PRKCE: variants seen among roughly 807,000 people sequenced by gnomAD.
PRKCE encodes the protein protein kinase C epsilon.
PRKCE carries 16 observed loss-of-function variants against 85.4 expected under a neutral mutation model. The ratio of observed to expected loss-of-function variants is 0.19; its 90% CI spans 0.13 to 0.28. The LOEUF (loss-of-function observed/expected upper bound fraction) is 0.28. Among genes scored for constraint, PRKCE ranks in the 10% least tolerant of loss-of-function variants. The probability of loss-of-function intolerance (pLI) is 1.00; values close to 1 mark genes in which losing one functional copy is unlikely to be tolerated. For synonymous variants in PRKCE, 388 were observed against 371.5 expected (o/e 1.04, Z -0.51); for missense variants, 573 against 975.2 (o/e 0.59, Z 5.49).
chr2:45,814,131 G>T (rs539233576), intron 1 of PRKCE, among the ~76,000 whole-genome samples: 2 of 152,312 alleles, frequency 1.3e-5, no homozygotes, highest in South Asian at 2.1e-4. Flanking sequence ...AGTGAAGAGG[G>T]TGACTACTCT....
intron 2 of PRKCE, among the ~76,000 whole-genome samples, chr2:45,859,194 C>T (rs1242506310): frequency 6.6e-6 from 1 of 151,632 alleles, no homozygotes; most frequent in Non-Finnish European, 1.5e-5. Flanking sequence ...TATATTATTC[C>T]ATTATATTAA....
At chr2:45,904,042 T>G (rs1397320370) in intron 2 of PRKCE, among the ~76,000 whole-genome samples, 1 of 152,012 alleles carries the variant, frequency 6.6e-6, no homozygotes, top group Non-Finnish European at 1.5e-5. Flanking sequence ...TAGCTGGGAT[T>G]ACAGGCACGC....
intron 10 of PRKCE, among the ~76,000 whole-genome samples, chr2:46,072,511 A>G (rs1668163198): frequency 6.6e-6 from 1 of 152,272 alleles, no homozygotes; most frequent in Non-Finnish European, 1.5e-5. Context: ...GCCAAGTGGG[A>G]CAAGAAATGC....
At chr2:46,000,532 T>G (rs560621035) in intron 6 of PRKCE, among the ~76,000 whole-genome samples, 2 of 151,906 alleles carry the variant, frequency 1.3e-5, no homozygotes, top group Non-Finnish European at 1.5e-5. Flanking sequence ...AAGAGCAGAG[T>G]GCTCTGGGCT....
Position 45,889,335 on chromosome 2 carries a change from A to C in PRKCE, c.412+46272A>C, listed in dbSNP as rs79084665. ...GCAAAGCCCTAGAGACAGTGATGAG[A>C]ACTGCACCAGGCATAAATGGTCCAT... is the stretch of plus-strand genomic sequence containing the variant. On this transcript the variant is annotated intron_variant, in intron 2 of 14. Transcript: ENST00000306156. 7.8e-3 allele frequency among the ~76,000 whole-genome samples: 1,191 copies of C among 152,264 alleles called. 14 individuals are homozygous for C. Among genetic ancestry groups the C allele is most frequent in the African/African-American group, 0.026 (1,096 of 41,546 alleles).
intron 14 of PRKCE, among the ~76,000 whole-genome samples, chr2:46,167,287 A>G (rs1678435487): frequency 1.3e-5 from 2 of 152,182 alleles, no homozygotes; most frequent in Admixed American, 6.5e-5. Flanking sequence ...GGTTATAAAT[A>G]TCTACCACCT....
chr2:45,681,364 T>C (rs1012799288), intron 1 of PRKCE, among the ~76,000 whole-genome samples: 39 of 147,860 alleles, frequency 2.6e-4, no homozygotes, highest in African/African-American at 9.3e-4. Flanking sequence ...TGGGAAGTAA[T>C]TGTGATTGAG....
At chr2:46,112,082 G>T (rs1258914589) in intron 11 of PRKCE, among the ~76,000 whole-genome samples, 1 of 152,202 alleles carries the variant, frequency 6.6e-6, no homozygotes, top group South Asian at 2.1e-4. Flanking sequence ...GTTGTTAGTT[G>T]TATACCTGTT....
chr2:46,036,039 A>C (rs1395374848), intron 10 of PRKCE, among the ~76,000 whole-genome samples: 2 of 152,216 alleles, frequency 1.3e-5, no homozygotes, highest in Non-Finnish European at 2.9e-5. Context: ...TCTCTGATGA[A>C]TTACAGTAAC....
intron 2 of PRKCE, among the ~76,000 whole-genome samples, chr2:45,956,360 G>C (rs1318212711): frequency 6.6e-6 from 1 of 152,098 alleles, no homozygotes; most frequent in Admixed American, 6.6e-5. Flanking sequence ...GCTTGATTAT[G>C]TATGGTAAGT....
intron 1 of PRKCE, among the ~76,000 whole-genome samples, chr2:45,682,623 G>T (rs1480839471): frequency 2.0e-5 from 3 of 152,022 alleles, no homozygotes; most frequent in Non-Finnish European, 4.4e-5. Context: ...TTTCACTCTT[G>T]TTGCCCAGGC....
intron 2 of PRKCE, chr2:45,851,983 C>G (rs957091757): frequency 9.8e-5 from 15 of 152,316 alleles, no homozygotes; most frequent in African/African-American, 3.6e-4. Flanking sequence ...AGAGCAGTAA[C>G]TCCAGGAACC....
chr2:46,086,331 A>G lies in PRKCE; in HGVS notation c.1561A>G (p.Met521Val). Residue 521 changes from methionine to valine, a missense_variant, in exon 11 of 15, where the codon ATG becomes GTG. Physicochemically the swap from Met to Val is conservative, Grantham distance 21 (BLOSUM62 1). Coordinates refer to ENST00000306156, the MANE Select transcript of PRKCE (RefSeq NM_005400.3). ...FYAAEVTSAL[M>V]FLHQHGVIYR... is the part of the protein sequence containing the mutation. ...TGCTGCAGAGGTCACATCGGCCCTC[A>G]TGTTCCTCCACCAGCATGGAGTCAT... 1 of 1,599,606 alleles carries G rather than the reference A, an allele frequency of 6.3e-7. No homozygotes were observed. The highest frequency in any genetic ancestry group is 8.5e-7 in the Non-Finnish European group (1 of 1,179,876).
chr2:46,120,279 G>A (rs1172882763), intron 11 of PRKCE, among the ~76,000 whole-genome samples: 1 of 152,136 alleles, frequency 6.6e-6, no homozygotes, highest in Non-Finnish European at 1.5e-5. Context: ...TACCTCCAGG[G>A]AAGATTTGGC....
intron 2 of PRKCE, among the ~76,000 whole-genome samples, chr2:45,950,853 A>G (rs1700570917): frequency 6.6e-6 from 1 of 152,142 alleles, no homozygotes; most frequent in Admixed American, 6.5e-5. Flanking sequence ...CTAGAGGACC[A>G]ACTTTCCTAG....
intron 1 of PRKCE, among the ~76,000 whole-genome samples, chr2:45,666,758 G>A (rs762917848): frequency 3.3e-5 from 5 of 152,118 alleles, no homozygotes; most frequent in Non-Finnish European, 7.3e-5. Flanking sequence ...GAAGAGGTCT[G>A]TTCCTGAGGG....
At chr2:46,174,373 G>A (rs560064636) in intron 14 of PRKCE, among the ~76,000 whole-genome samples, 30 of 152,380 alleles carry the variant, frequency 2.0e-4, no homozygotes, top group African/African-American at 7.0e-4. Context: ...TTTCAATGAT[G>A]TAAAGGTCGC....
At chr2:45,929,141 T>C (rs1390566797) in intron 2 of PRKCE, among the ~76,000 whole-genome samples, 4 of 152,152 alleles carry the variant, frequency 2.6e-5, no homozygotes, top group East Asian at 1.9e-4. Context: ...TACAGACTTG[T>C]CATGATCTGC....
At chr2:46,092,926 C>G (rs545648514) in intron 11 of PRKCE, among the ~76,000 whole-genome samples, 1 of 152,120 alleles carries the variant, frequency 6.6e-6, no homozygotes, top group South Asian at 2.1e-4. Flanking sequence ...AACGTGTAGT[C>G]TCATCCTCTT....
Sources: allele counts gnomAD v4.1 joint callset (sites outside exome capture counted in the v4.1 genomes callset), GRCh38; gene constraint gnomAD v4.1.1; transcripts MANE v1.5; gene names NCBI Gene and HGNC (gene_info 2026-07-23, HGNC 2026-07-21).